The following SEPTIN9 variants were observed in gnomAD, a reference collection of about 807,000 sequenced individuals.
SEPTIN9 encodes septin-9.
SEPTIN9 carries 13 observed loss-of-function variants against 56.6 expected under a neutral mutation model. That is an observed-to-expected ratio of 0.23 (90% CI 0.15 to 0.37). The LOEUF (loss-of-function observed/expected upper bound fraction) is 0.37. Ranked by LOEUF, SEPTIN9 falls within the 10% of genes least tolerant of loss-of-function variation. The pLI, the probability that SEPTIN9 is intolerant of heterozygous loss-of-function variation, is 1.00. For missense variants in SEPTIN9, 650 were observed against 823.1 expected, an observed-to-expected ratio of 0.79 and a Z score of 2.57; for synonymous variants, 332 against 334.1, an observed-to-expected ratio of 0.99 and a Z score of 0.07.
intron 2 of SEPTIN9, among the ~76,000 whole-genome samples, chr17:77,395,864 G>A (rs2035695260): frequency 6.6e-6 from 1 of 152,302 alleles, no homozygotes; most frequent in Admixed American, 6.5e-5. Context: ...GCGGAAACCC[G>A]GACTGTTTCC....
At chr17:77,463,615 G>A (rs1269383174) in intron 3 of SEPTIN9, among the ~76,000 whole-genome samples, 1 of 152,132 alleles carries the variant, frequency 6.6e-6, no homozygotes, top group Non-Finnish European at 1.5e-5. Flanking sequence ...AGCTGAGGCA[G>A]GCTGATCACC....
rs532906476 is a variant in SEPTIN9, at chr17:77,433,638, G to C, written c.721+30935G>C. ...CCAGAGGGGTGGGGCTGGAGCGGGCGTCTGACCTGTGGCTGGATCTAGCTG... is the reference window on the plus strand; with the variant it reads ...CCAGAGGGGTGGGGCTGGAGCGGGCCTCTGACCTGTGGCTGGATCTAGCTG... On this transcript the variant is annotated intron_variant, in intron 3 of 11. Coordinates refer to ENST00000427177, the MANE Select transcript of SEPTIN9 (RefSeq NM_001113491.2). The surrounding 1 kb of genome is among the most constrained non-coding windows in gnomAD (Gnocchi z 6.4). Among the ~76,000 whole-genome samples, 2 of 152,288 alleles carry C rather than the reference G, an allele frequency of 1.3e-5. No homozygotes were observed. The highest frequency in any genetic ancestry group is 1.9e-4 in the East Asian group (1 of 5,184).
At chr17:77,496,976 G>A in intron 10 of SEPTIN9, 2 of 399,182 alleles carry the variant, frequency 5.0e-6, no homozygotes, top group Non-Finnish European at 9.5e-6. Flanking sequence ...TGGTGCGGGG[G>A]CCCACTGCCC....
intron 3 of SEPTIN9, among the ~76,000 whole-genome samples, chr17:77,411,244 A>G (rs539495930): frequency 2.7e-3 from 408 of 152,344 alleles, no homozygotes; most frequent in Middle Eastern, 6.8e-3. Context: ...TTATTCCTGC[A>G]GAGTCATTCA....
At chr17:77,443,738 C>CA (rs2037633488) in intron 3 of SEPTIN9, among the ~76,000 whole-genome samples, 1 of 151,662 alleles carries the variant, frequency 6.6e-6, no homozygotes, top group African/African-American at 2.4e-5. Flanking sequence ...GTGGAGGTTG[C>CA]AGTGAGCTGA....
intron 2 of SEPTIN9, among the ~76,000 whole-genome samples, chr17:77,387,631 G>A (rs1194985521): frequency 6.6e-6 from 1 of 152,116 alleles, no homozygotes; most frequent in Non-Finnish European, 1.5e-5. Flanking sequence ...GGCGTGATGA[G>A]GTTCTCATCT....
At chr17:77,301,678 G>A (rs2032062202) in intron 1 of SEPTIN9, among the ~76,000 whole-genome samples, 1 of 152,160 alleles carries the variant, frequency 6.6e-6, no homozygotes, top group Admixed American at 6.5e-5. Flanking sequence ...CTCTCAAAGT[G>A]CTGGGATTAC....
At chr17:77,491,805 C>CAAA (rs35233871) in intron 8 of SEPTIN9, among the ~76,000 whole-genome samples, 24 of 59,374 alleles carry the variant, frequency 4.0e-4, no homozygotes, top group South Asian at 7.9e-4. Context: ...GACTCCATCT[C>CAAA]AAAAAAAAAA....
rs546776757 is a variant in SEPTIN9 at position 77,444,028 on chromosome 17, G to A, written c.722-38116G>A. On this transcript the variant is annotated intron_variant, in intron 3 of 11. Transcript: ENST00000427177. ...CAAGTCAGGGTCTGACTCTGGGGGT[G>A]GGGGTCACATATGATGGAGGATGTC... Among the ~76,000 whole-genome samples, 6 of 152,190 alleles carry A rather than the reference G, an allele frequency of 3.9e-5. No individual in the cohort carries two copies. In the East Asian group the frequency reaches 1.2e-3, roughly 29 times the overall value.
At chr17:77,344,059 A>G (rs986991977) in intron 2 of SEPTIN9, among the ~76,000 whole-genome samples, 24 of 152,230 alleles carry the variant, frequency 1.6e-4, no homozygotes, top group African/African-American at 5.8e-4. Context: ...TTTGTGCATC[A>G]AGGAATACTA....
At chr17:77,467,672 A>G (rs1326550160) in intron 3 of SEPTIN9, among the ~76,000 whole-genome samples, 6 of 152,216 alleles carry the variant, frequency 3.9e-5, no homozygotes, top group Non-Finnish European at 8.8e-5. Flanking sequence ...GCCGGAAATC[A>G]TGAGTCTCAT....
rs573021460 is a variant in SEPTIN9 at position 77,499,064 on chromosome 17, C to G, written c.*406C>G. ...AGAGGAGCCCAGTGGGCTGCACGCT[C>G]CCCTCCATCCCCATCGGCCCTGTCC... On this transcript the variant is annotated 3_prime_UTR_variant, in exon 12 of 12. Coordinates refer to ENST00000427177, the MANE Select transcript of SEPTIN9 (RefSeq NM_001113491.2). 3.7e-5 allele frequency: 20 copies of G among 536,638 alleles called. No homozygotes were observed. The highest frequency in any genetic ancestry group is 6.5e-5 in the Non-Finnish European group (18 of 276,838). The allele number at this position is 536,638 out of a possible 1,614,324, so 33.2% of individuals were successfully genotyped here. A position where few individuals can be genotyped will look rare whatever the true frequency, so the allele number is the denominator to read the frequency against.
chr17:77,306,322 A>G (rs528570285), intron 1 of SEPTIN9, among the ~76,000 whole-genome samples: 1 of 152,288 alleles, frequency 6.6e-6, no homozygotes, highest in Admixed American at 6.5e-5. Flanking sequence ...GCTGTATGGC[A>G]TTGCCCAGGG....
rs1012290101 is a variant in SEPTIN9 at position 77,389,548 on chromosome 17, G to C, written c.77-12511G>C. On this transcript the variant is annotated intron_variant, in intron 2 of 11. Coordinates refer to ENST00000427177, the MANE Select transcript of SEPTIN9 (RefSeq NM_001113491.2). The surrounding 1 kb of genome is among the most constrained non-coding windows in gnomAD (Gnocchi z 4.3). ...AATCACCTCCCAGGGCCTCGCTCCT[G>C]CCTTCAGCGACAGCCATTTATCAGG... 6.6e-6 allele frequency among the ~76,000 whole-genome samples: 1 copy of C among 152,148 alleles called. No homozygotes were observed. Among genetic ancestry groups the C allele is most frequent in the South Asian group, 2.1e-4 (1 of 4,826 alleles).
intron 2 of SEPTIN9, among the ~76,000 whole-genome samples, chr17:77,309,854 G>A (rs1205426085): frequency 6.6e-6 from 1 of 152,182 alleles, no homozygotes; most frequent in Non-Finnish European, 1.5e-5. Flanking sequence ...AGGTGTAGCC[G>A]CAGCCCTGGG....
chr17:77,440,327 G>T (rs999126992), intron 3 of SEPTIN9, among the ~76,000 whole-genome samples: 1 of 151,928 alleles, frequency 6.6e-6, no homozygotes, highest in African/African-American at 2.4e-5. Context: ...GCGAATTTTT[G>T]TATTTTTAGT....
chr17:77,338,672 G>A (rs961667478), intron 2 of SEPTIN9, among the ~76,000 whole-genome samples: 1 of 152,160 alleles, frequency 6.6e-6, no homozygotes, highest in Non-Finnish European at 1.5e-5. Context: ...ACCTGCCTTG[G>A]CCTCCCAAAG....
At chr17:77,282,720 C>A (rs1371055368) in intron 1 of SEPTIN9, among the ~76,000 whole-genome samples, 2 of 152,252 alleles carry the variant, frequency 1.3e-5, no homozygotes, top group African/African-American at 2.4e-5. Context: ...TGGCCCTCTA[C>A]GCACCCGGAG....
chr17:77,315,511 C>A (rs897460867), intron 2 of SEPTIN9, among the ~76,000 whole-genome samples: 2 of 152,170 alleles, frequency 1.3e-5, no homozygotes, highest in African/African-American at 2.4e-5. Flanking sequence ...TGGTCTGGAA[C>A]CCCTGACCTT....
Sources: gnomAD v4.1 joint callset for allele counts (sites outside exome capture counted in the v4.1 genomes callset) on GRCh38, gnomAD v4.1.1 for gene constraint, Gnocchi (gnomAD v3.1) non-coding constraint, MANE v1.5 for transcripts, NCBI Gene and HGNC (gene_info 2026-07-23, HGNC 2026-07-21) for gene names.